SCUBE1: variants seen among roughly 807,000 people sequenced by gnomAD.
The protein encoded by SCUBE1 is signal peptide, CUB and EGF-like domain-containing protein 1.
In SCUBE1, 59 loss-of-function variants were observed where a neutral mutation model predicts 124.4. The ratio of observed to expected loss-of-function variants is 0.47; its 90% CI spans 0.38 to 0.59. SCUBE1 has a LOEUF of 0.59. Among genes scored for constraint, SCUBE1 ranks in the 20% least tolerant of loss-of-function variants. The pLI, the probability that SCUBE1 is intolerant of heterozygous loss-of-function variation, is 0.00. For missense variants in SCUBE1, 1,150 were observed against 1,371.2 expected, an observed-to-expected ratio of 0.84 and a Z score of 2.55; for synonymous variants, 545 against 550.9, an observed-to-expected ratio of 0.99 and a Z score of 0.15.
At chr22:43,298,593 C>T (rs1384130951) in intron 3 of SCUBE1, among the ~76,000 whole-genome samples, 2 of 152,226 alleles carry the variant, frequency 1.3e-5, no homozygotes, top group South Asian at 2.1e-4. Context: ...CCAGCCCAGC[C>T]GCTGCCCTGC....
At chr22:43,227,259 G>T in intron 10 of SCUBE1, 115 bp downstream of exon 10, 2 of 1,224,656 alleles carry the variant, frequency 1.6e-6, no homozygotes, top group Non-Finnish European at 1.1e-6. Context: ...GGGAATGCAA[G>T]GCCTAGAGGA....
intron 5 of SCUBE1, among the ~76,000 whole-genome samples, chr22:43,261,250 G>A (rs9623797): frequency 0.068 from 10,360 of 152,270 alleles, 1,053 homozygotes; most frequent in East Asian, 0.34. Context: ...GTGTGGAGAC[G>A]GGGCCTGGAT....
intron 1 of SCUBE1, among the ~76,000 whole-genome samples, chr22:43,341,154 G>C (rs1298862917): frequency 7.0e-6 from 1 of 143,454 alleles, no homozygotes; most frequent in Non-Finnish European, 1.6e-5. Flanking sequence ...TCCGGGGGGG[G>C]CTACCCATCT....
chr22:43,280,714 GCCACCC>G, intron 4 of SCUBE1, among the ~76,000 whole-genome samples: 1 of 62,262 alleles, frequency 1.6e-5, no homozygotes, highest in Non-Finnish European at 3.0e-5. Context: ...TTCCTCCTCG[GCCACCC>G]TCCTGTCACC....
In SCUBE1 at chr22:43,201,196, CGGGA is replaced by C. The variant is rs1251920484; in HGVS notation, c.*2797_*2800del. 1.4e-5 allele frequency: 2 copies of C among 143,850 alleles called. No individual in the cohort carries two copies. The highest frequency in any genetic ancestry group is 3.0e-5 in the Non-Finnish European group (2 of 66,548). The allele number at this position is 143,850 out of a possible 1,614,324, so 8.9% of individuals were successfully genotyped here. ...GTGGGTGCCTGTAGTCCCAGCTACT[CGGGA>C]GGCTGAGGCAGGAGAATGGCGTGAA... On this transcript the variant is annotated 3_prime_UTR_variant, in exon 22 of 22. Coordinates refer to ENST00000360835, the MANE Select transcript of SCUBE1 (RefSeq NM_173050.5).
At chr22:43,263,616 AC>A in intron 4 of SCUBE1, among the ~76,000 whole-genome samples, 1 of 152,156 alleles carries the variant, frequency 6.6e-6, no homozygotes, top group Non-Finnish European at 1.5e-5. Context: ...CTCAATCCTG[AC>A]CCCGTCCACT....
chr22:43,331,577 C>T (rs1926904388), intron 2 of SCUBE1, among the ~76,000 whole-genome samples: 1 of 152,166 alleles, frequency 6.6e-6, no homozygotes. Context: ...GCGGTTTGCT[C>T]CTCGTTTGGG....
intron 3 of SCUBE1, among the ~76,000 whole-genome samples, chr22:43,312,490 G>T (rs963493621): frequency 6.6e-6 from 1 of 152,184 alleles, no homozygotes; most frequent in Non-Finnish European, 1.5e-5. Context: ...AATGGGGTTG[G>T]GGGGAGGCTG....
At chr22:43,213,170 A>G (rs1334235236) in intron 16 of SCUBE1, 2 of 155,686 alleles carry the variant, frequency 1.3e-5, no homozygotes, top group African/African-American at 2.4e-5. Flanking sequence ...GGATGCAGAG[A>G]GTATTCTGGC....
chr22:43,323,797 C>T lies in SCUBE1; in HGVS notation c.221-3732G>A, dbSNP rs145798606. Among the ~76,000 whole-genome samples the T allele has an allele frequency of 2.1e-4, 32 of 152,282 alleles. 1 individual carries two copies. The highest frequency in any genetic ancestry group is 7.0e-4 in the African/African-American group (29 of 41,546). On this transcript the variant is annotated intron_variant, in intron 2 of 21. Coordinates refer to ENST00000360835, the MANE Select transcript of SCUBE1 (RefSeq NM_173050.5). ...AACTCACTGATTCCTTCAAATATCC[C>T]TCCAAACAGCTTACAAAATACATAC...
intron 10 of SCUBE1, among the ~76,000 whole-genome samples, chr22:43,225,270 C>A (rs1207434193): frequency 6.6e-6 from 1 of 152,014 alleles, no homozygotes. Context: ...GAAATCAGAT[C>A]TCTAATGCTG....
At chr22:43,294,704 G>A (rs1317349169) in intron 3 of SCUBE1, among the ~76,000 whole-genome samples, 4 of 152,170 alleles carry the variant, frequency 2.6e-5, no homozygotes, top group Non-Finnish European at 4.4e-5. Context: ...CGTCCTCCAG[G>A]AAGTCCTCCT....
chr22:43,276,897 C>G (rs76110835), intron 4 of SCUBE1, among the ~76,000 whole-genome samples: 2 of 152,190 alleles, frequency 1.3e-5, no homozygotes, highest in Non-Finnish European at 2.9e-5. Context: ...TCGGTTCTCA[C>G]GCACGTCAAC....
intron 6 of SCUBE1, among the ~76,000 whole-genome samples, chr22:43,254,275 AG>A (rs143779439): frequency 0.02 from 2,971 of 152,280 alleles, 100 homozygotes; most frequent in African/African-American, 0.069. Flanking sequence ...GCATGGACTT[AG>A]GGTCATAGAG....
intron 6 of SCUBE1, among the ~76,000 whole-genome samples, chr22:43,242,657 G>C (rs1415866100): frequency 6.6e-6 from 1 of 152,258 alleles, no homozygotes; most frequent in Non-Finnish European, 1.5e-5. Context: ...GGGAAGAGGA[G>C]GAGGACGCAG....
intron 4 of SCUBE1, among the ~76,000 whole-genome samples, chr22:43,275,162 G>C (rs376413253): frequency 3.0e-4 from 46 of 152,326 alleles, no homozygotes; most frequent in Middle Eastern, 6.8e-3. Context: ...CCTGGGGAGT[G>C]AGGCTGGGGG....
intron 15 of SCUBE1, among the ~76,000 whole-genome samples, chr22:43,216,381 G>A (rs111409873): frequency 0.18 from 27,509 of 150,494 alleles, 3,955 homozygotes; most frequent in African/African-American, 0.4. Flanking sequence ...GAGGCTGGGC[G>A]CAGTGGCTCA....
intron 6 of SCUBE1, among the ~76,000 whole-genome samples, chr22:43,241,037 C>A (rs1439493604): frequency 6.6e-6 from 1 of 152,102 alleles, no homozygotes; most frequent in Non-Finnish European, 1.5e-5. Context: ...AGGTGTGGTG[C>A]AGGCGCTAGG....
At chr22:43,339,829 C>T (rs544398627) in intron 1 of SCUBE1, among the ~76,000 whole-genome samples, 1 of 101,844 alleles carries the variant, frequency 9.8e-6, no homozygotes, top group Non-Finnish European at 2.0e-5. Flanking sequence ...TCTATCCCCC[C>T]ACAAGCATCA....
Sources: allele counts gnomAD v4.1 joint callset (sites outside exome capture counted in the v4.1 genomes callset), GRCh38; gene constraint gnomAD v4.1.1; transcripts MANE v1.5; gene names NCBI Gene and HGNC (gene_info 2026-07-23, HGNC 2026-07-21).